SMAP1: variants seen among roughly 807,000 people sequenced by gnomAD.
SMAP1 encodes the protein stromal membrane-associated protein 1.
Under a neutral mutation model 58.5 loss-of-function variants are expected in SMAP1, and 24 were observed. The ratio of observed to expected loss-of-function variants is 0.41; its 90% CI spans 0.30 to 0.58. The LOEUF (loss-of-function observed/expected upper bound fraction) is 0.58, where lower values mean the gene tolerates loss of function less well. SMAP1 is among the 20% of genes least tolerant of loss of function. The probability of loss-of-function intolerance (pLI) is 0.29; values close to 1 mark genes in which losing one functional copy is unlikely to be tolerated. For missense variants in SMAP1, 563 were observed against 566.3 expected (o/e 0.99, Z 0.06); for synonymous variants, 216 against 196.6 (o/e 1.10, Z -0.82).
chr6:70,771,416 T>TC (rs1767302661), intron 3 of SMAP1, among the ~76,000 whole-genome samples: 1 of 152,228 alleles, frequency 6.6e-6, no homozygotes, highest in Admixed American at 6.5e-5. Context: ...AGTTGGAGCT[T>TC]CCAGGCTGCT....
chr6:70,858,858 A>C (rs529634622), intron 10 of SMAP1: 1 of 153,152 alleles, frequency 6.5e-6, no homozygotes, highest in South Asian at 2.1e-4. Context: ...AATTCCCATA[A>C]GGTGTGAACC....
intron 2 of SMAP1, among the ~76,000 whole-genome samples, chr6:70,743,427 G>A (rs1765895118): frequency 6.6e-6 from 1 of 152,250 alleles, no homozygotes; most frequent in East Asian, 1.9e-4. Flanking sequence ...GAATTTTTAT[G>A]ATAAGCAACA....
At chr6:70,790,743 A>T (rs912812847) in intron 4 of SMAP1, among the ~76,000 whole-genome samples, 1 of 152,180 alleles carries the variant, frequency 6.6e-6, no homozygotes, top group African/African-American at 2.4e-5. Context: ...TTGCAGTGTT[A>T]TTTTGACATT....
intron 2 of SMAP1, among the ~76,000 whole-genome samples, chr6:70,745,286 A>C (rs200467537): frequency 1.9e-4 from 29 of 152,176 alleles, no homozygotes; most frequent in African/African-American, 5.5e-4. Flanking sequence ...ACGTTTTCTT[A>C]TAGGGTTTTT....
intron 1 of SMAP1, among the ~76,000 whole-genome samples, chr6:70,719,538 C>T (rs1020792841): frequency 2.0e-5 from 3 of 152,082 alleles, no homozygotes; most frequent in African/African-American, 7.2e-5. Context: ...AACTTATAGC[C>T]AAAATGCTCC....
In SMAP1 at chr6:70,837,897, T is replaced by C. The variant is rs181464017; in HGVS notation, c.664+869T>C. On this transcript the variant is annotated intron_variant, in intron 7 of 10. Coordinates refer to ENST00000370455, the MANE Select transcript of SMAP1 (RefSeq NM_001044305.3). ...CTAGTTGTTATTGAATAAATTGTTG[T>C]CTGTTTTAAGAATTATAGCTGAATG... 5 of 1,192,638 alleles carry C rather than the reference T, an allele frequency of 4.2e-6. No individual in the cohort carries two copies. The African/African-American group carries it at 6.4e-5, about 15-fold the overall frequency. The allele number at this position is 1,192,638 out of a possible 1,614,324, so 73.9% of individuals were successfully genotyped here.
chr6:70,823,266 G>A (rs977994958), intron 6 of SMAP1, among the ~76,000 whole-genome samples: 1 of 152,142 alleles, frequency 6.6e-6, no homozygotes, highest in Non-Finnish European at 1.5e-5. Flanking sequence ...TATTTCGGGG[G>A]AGGGGAAGTG....
intron 1 of SMAP1, among the ~76,000 whole-genome samples, chr6:70,709,180 C>A (rs1767956732): frequency 6.6e-6 from 1 of 152,054 alleles, no homozygotes; most frequent in Admixed American, 6.6e-5. Context: ...GACTGTACTT[C>A]CGCCATTGTG....
At chr6:70,670,610 A>G (rs117453080) in intron 1 of SMAP1, among the ~76,000 whole-genome samples, 1,978 of 152,310 alleles carry the variant, frequency 0.013, 11 homozygotes, top group Non-Finnish European at 0.022. Context: ...CAGCTCAGTT[A>G]CTAAGAAGTT....
intron 6 of SMAP1, among the ~76,000 whole-genome samples, chr6:70,808,445 A>G (rs575488440): frequency 4.6e-5 from 7 of 152,208 alleles, no homozygotes; most frequent in Non-Finnish European, 7.3e-5. Flanking sequence ...AGATAGCCCA[A>G]TTTATTGAGA....
chr6:70,847,139 G>A (rs573437117), intron 7 of SMAP1, among the ~76,000 whole-genome samples: 5 of 152,218 alleles, frequency 3.3e-5, no homozygotes, highest in African/African-American at 9.6e-5. Flanking sequence ...GATTATTGGC[G>A]TCAGATGAAT....
intron 7 of SMAP1, among the ~76,000 whole-genome samples, chr6:70,841,805 T>G (rs1397962254): frequency 6.6e-6 from 1 of 152,180 alleles, no homozygotes; most frequent in Non-Finnish European, 1.5e-5. Context: ...CTAGTGAAAT[T>G]AAGCCATTAG....
At chr6:70,714,666 A>G (rs1018192452) in intron 1 of SMAP1, among the ~76,000 whole-genome samples, 1 of 152,122 alleles carries the variant, frequency 6.6e-6, no homozygotes, top group Admixed American at 6.5e-5. Flanking sequence ...TTGCCCGTAT[A>G]TTTAACTTTA....
chr6:70,764,712 T>C (rs1170691520), intron 3 of SMAP1, among the ~76,000 whole-genome samples: 1 of 152,236 alleles, frequency 6.6e-6, no homozygotes, highest in African/African-American at 2.4e-5. Context: ...CCAAGAGCTC[T>C]GATGGAGATA....
At chr6:70,837,656 TTCTC>T (rs200987484) in intron 7 of SMAP1, 7 of 464,778 alleles carry the variant, frequency 1.5e-5, no homozygotes, top group African/African-American at 2.4e-5. Flanking sequence ...TATTGTTAGC[TTCTC>T]TCTCTCTCTT....
Position 70,836,981 on chromosome 6 carries a change from C to T in SMAP1, c.617C>T (p.Thr206Ile), listed in dbSNP as rs1000161287. 3 of 1,603,380 alleles carry T rather than the reference C, an allele frequency of 1.9e-6. No individual in the cohort carries two copies. The highest frequency in any genetic ancestry group is 1.3e-5 in the African/African-American group (1 of 74,334). ...CAGCAACTGGAGCCTAAAAAAAGTACCAGCCCTAAAAAAGCTGCGGAGCCC... is the reference window on the plus strand; with the variant it reads ...CAGCAACTGGAGCCTAAAAAAAGTATCAGCCCTAAAAAAGCTGCGGAGCCC... ...KDQQLEPKKS[T>I]SPKKAAEPTV... is the part of the protein sequence containing the mutation. The change falls in exon 7 of 11, where the codon ACC becomes ATC. Residue 206 changes from threonine to isoleucine, a missense_variant. By Grantham distance (89) the Thr-to-Ile change is moderately conservative. Transcript: ENST00000370455.
At chr6:70,686,877 T>C (rs908094444) in intron 1 of SMAP1, among the ~76,000 whole-genome samples, 7 of 152,238 alleles carry the variant, frequency 4.6e-5, no homozygotes, top group Non-Finnish European at 8.8e-5. Flanking sequence ...AACATTCTCT[T>C]TGGGACAGTT....
chr6:70,754,859 A>G (rs1766419560), intron 2 of SMAP1, 121 bp from the exon 3 acceptor site: 8 of 514,754 alleles, frequency 1.6e-5, no homozygotes, highest in Non-Finnish European at 2.8e-5. Flanking sequence ...ATTTCTAAGG[A>G]GAATATATAT....
chr6:70,690,859 C>T (rs1767136681), intron 1 of SMAP1, among the ~76,000 whole-genome samples: 4 of 151,676 alleles, frequency 2.6e-5, no homozygotes, highest in Admixed American at 6.6e-5. Context: ...CCTCCCCCTT[C>T]CCCCCTTCCC....
Sources: allele counts gnomAD v4.1 joint callset (sites outside exome capture counted in the v4.1 genomes callset), GRCh38; gene constraint gnomAD v4.1.1; transcripts MANE v1.5; gene names NCBI Gene and HGNC (gene_info 2026-07-23, HGNC 2026-07-21).